AP3B1: variants seen among roughly 807,000 people sequenced by gnomAD.
AP3B1 encodes the protein adaptor related protein complex 3 subunit beta 1.
Under a neutral mutation model 132.5 loss-of-function variants are expected in AP3B1, and 61 were observed. The observed-to-expected ratio is 0.46, with a 90% CI of 0.37 to 0.57. The LOEUF is 0.57. Ranked by LOEUF, AP3B1 falls within the 20% of genes least tolerant of loss-of-function variation. The pLI is 0.00. For synonymous variants in AP3B1, 388 were observed against 438.3 expected (o/e 0.89, Z 1.43); for missense variants, 1,120 against 1,289.4 (o/e 0.87, Z 2.01).
intron 22 of AP3B1, among the ~76,000 whole-genome samples, chr5:78,083,727 A>C (rs1750113054): frequency 6.6e-6 from 1 of 152,216 alleles, no homozygotes; most frequent in South Asian, 2.1e-4. Context: ...TATTAAAAAA[A>C]CTAAAGCCTT....
intron 24 of AP3B1, 89 bp from the exon 25 acceptor site, chr5:78,020,878 G>T: frequency 9.4e-7 from 1 of 1,060,874 alleles, no homozygotes; most frequent in Non-Finnish European, 1.4e-6. Context: ...GAAAGCCTAT[G>T]CTAGCATATA....
chr5:78,092,202 C>T (rs1399600867), intron 21 of AP3B1, among the ~76,000 whole-genome samples: 1 of 152,162 alleles, frequency 6.6e-6, no homozygotes, highest in African/African-American at 2.4e-5. Context: ...GAATAAGAAA[C>T]AGCCTCTGAT....
At chr5:78,102,391 T>C (rs995113838) in intron 20 of AP3B1, among the ~76,000 whole-genome samples, 5 of 152,176 alleles carry the variant, frequency 3.3e-5, no homozygotes, top group African/African-American at 1.2e-4. Context: ...CTAATTTTAT[T>C]CTTCAAAGTA....
Position 78,228,180 on chromosome 5 carries a change from T to G in AP3B1, c.339A>C (p.Ala113=), listed in dbSNP as rs7706167. 4,175 of 1,611,866 alleles carry G rather than the reference T, an allele frequency of 2.6e-3. 103 individuals are homozygous for G. The African/African-American group carries it at 0.048, about 19-fold the overall frequency. The change falls in exon 4 of 27, where the codon GCA becomes GCC. Residue 113 remains alanine (A), a synonymous_variant. Transcript: ENST00000255194. ...GCTGAAAAGTGCTTATGGACAGGAG[T>G]GCAAGATCCTGCTGTTCTTCAGCAT... The part of the protein sequence containing the change: ...VRYAEEQQDL[A]LLSISTFQRA...
intron 7 of AP3B1, among the ~76,000 whole-genome samples, chr5:78,194,375 A>G (rs1423582461): frequency 6.6e-6 from 1 of 152,214 alleles, no homozygotes; most frequent in Non-Finnish European, 1.5e-5. Context: ...GGTTTAAAAA[A>G]ATCAATTATT....
intron 3 of AP3B1, among the ~76,000 whole-genome samples, chr5:78,229,672 G>A (rs184364281): frequency 1.4e-3 from 214 of 152,042 alleles, no homozygotes; most frequent in Non-Finnish European, 2.4e-3. Flanking sequence ...CTGGGAGGTC[G>A]AAGCTGCAGT....
chr5:78,260,308 C>T (rs982248048), intron 2 of AP3B1, among the ~76,000 whole-genome samples: 1 of 151,922 alleles, frequency 6.6e-6, no homozygotes, highest in African/African-American at 2.4e-5. Context: ...GAGGAGGGGC[C>T]GGGCGTGGTG....
At chr5:78,097,252 C>G (rs1416540595) in intron 21 of AP3B1, among the ~76,000 whole-genome samples, 5 of 86,846 alleles carry the variant, frequency 5.8e-5, no homozygotes, top group Non-Finnish European at 9.8e-5. Flanking sequence ...GTCAGCCCCC[C>G]GCCCGGCCAG....
At chr5:78,274,161 T>C (rs1020619447) in intron 1 of AP3B1, among the ~76,000 whole-genome samples, 4 of 149,406 alleles carry the variant, frequency 2.7e-5, no homozygotes, top group Non-Finnish European at 5.9e-5. Context: ...ACAAAACAGA[T>C]GAAACAACAC....
chr5:78,258,918 T>C (rs914021042), intron 2 of AP3B1, among the ~76,000 whole-genome samples: 1 of 152,084 alleles, frequency 6.6e-6, no homozygotes, highest in African/African-American at 2.4e-5. Flanking sequence ...GAAGATCTTG[T>C]TAAGTGAAAT....
At chr5:78,173,259 G>T (rs1744001607) in intron 11 of AP3B1, among the ~76,000 whole-genome samples, 1 of 152,184 alleles carries the variant, frequency 6.6e-6, no homozygotes, top group Non-Finnish European at 1.5e-5. Context: ...GGGTTCTGTA[G>T]ATGTCTATTA....
intron 11 of AP3B1, among the ~76,000 whole-genome samples, chr5:78,170,468 A>G (rs1236911636): frequency 1.3e-5 from 2 of 152,134 alleles, no homozygotes; most frequent in African/African-American, 4.8e-5. Flanking sequence ...GTGAGATGGT[A>G]TTTCATTGTG....
At chr5:78,136,404 G>C (rs1446949733) in intron 15 of AP3B1, among the ~76,000 whole-genome samples, 1 of 152,072 alleles carries the variant, frequency 6.6e-6, no homozygotes, top group Non-Finnish European at 1.5e-5. Flanking sequence ...GAATTTTGTG[G>C]TGATTTCTTC....
At chr5:78,094,246 A>G (rs1750673350) in intron 21 of AP3B1, among the ~76,000 whole-genome samples, 1 of 152,226 alleles carries the variant, frequency 6.6e-6, no homozygotes, top group Non-Finnish European at 1.5e-5. Context: ...AAGCATATTG[A>G]TATCTCTAAG....
In AP3B1 at chr5:78,002,333, C is replaced by A. The variant is rs2112026908; in HGVS notation, c.*569G>T. The A allele has an allele frequency of 3.0e-6, 1 of 336,374 alleles. No homozygotes were observed. Among genetic ancestry groups the A allele is most frequent in the East Asian group, 4.6e-5 (1 of 21,798 alleles). 20.8% of individuals were successfully genotyped at this position (336,374 alleles called of 1,614,324 possible). On this transcript the variant is annotated 3_prime_UTR_variant, in exon 27 of 27. Coordinates refer to ENST00000255194, the MANE Select transcript of AP3B1 (RefSeq NM_003664.5). ...TAAAAATGCAAAGACAAATATGATT[C>A]ATATGCTAGTTTATTTATCTTATTA...
intron 19 of AP3B1, among the ~76,000 whole-genome samples, chr5:78,110,950 G>T (rs1001624744): frequency 6.6e-6 from 1 of 151,882 alleles, no homozygotes; most frequent in African/African-American, 2.4e-5. Flanking sequence ...TAGAGACAGG[G>T]TCTCACTAGG....
At position 78,228,129 on chromosome 5, in the gene AP3B1, C is replaced by G. The variant is rs1277447717; in HGVS notation, c.375+15G>C. 1.3e-6 allele frequency: 2 copies of G among 1,565,222 alleles called. No individual in the cohort carries two copies. Among genetic ancestry groups the G allele is most frequent in the Admixed American group, 1.9e-5 (1 of 53,844 alleles). ...GAAACCTTGTAGCTATTTGCCTACTCACTCCATTATTTACCTTCAGAGCTC... is the reference window on the plus strand; with the variant it reads ...GAAACCTTGTAGCTATTTGCCTACTGACTCCATTATTTACCTTCAGAGCTC... On this transcript the variant is annotated intron_variant, in intron 4 of 26. Transcript: ENST00000255194.
chr5:78,101,788 T>A (rs432238), intron 20 of AP3B1, among the ~76,000 whole-genome samples: 36,260 of 151,920 alleles, frequency 0.24, 4,534 homozygotes, highest in Admixed American at 0.31. Context: ...TCAGAAAAAA[T>A]TTGTAAATCT....
chr5:78,010,716 C>T lies in AP3B1; in HGVS notation c.3131+4694G>A, dbSNP rs144608896. Among the ~76,000 whole-genome samples the T allele has an allele frequency of 2.4e-4, 37 of 152,260 alleles. No homozygotes were observed. In the East Asian group the frequency reaches 4.2e-3, roughly 17 times the overall value. On this transcript the variant is annotated intron_variant, in intron 26 of 26. Transcript: ENST00000255194. The stretch of plus-strand genomic sequence containing the variant: ...GCTAACGCCTCTAATCTCCTACCTT[C>T]GAACACATGAGGTCTTGCCCTTTCA...
Sources: allele counts gnomAD v4.1 joint callset (sites outside exome capture counted in the v4.1 genomes callset), GRCh38; gene constraint gnomAD v4.1.1; transcripts MANE v1.5; gene names NCBI Gene and HGNC (gene_info 2026-07-23, HGNC 2026-07-21).